Variants in DMD observed in about 807,000 individuals in gnomAD.
The protein encoded by DMD is mutant dystrophin.
DMD carries 63 observed loss-of-function variants against 330.1 expected under a neutral mutation model. That is an observed-to-expected ratio of 0.19 (90% CI 0.16 to 0.24). The LOEUF (loss-of-function observed/expected upper bound fraction) is 0.24. Among genes scored for constraint, DMD ranks in the 10% least tolerant of loss-of-function variants. The pLI is 1.00. For missense variants in DMD, 3,344 were observed against 2,684.1 expected (o/e 1.25, Z -5.43); for synonymous variants, 1,223 against 959.8 (o/e 1.27, Z -5.07).
chrX:32,689,113 G>C (rs1246763534), intron 9 of DMD, among the ~76,000 whole-genome samples: 1 of 110,960 alleles, frequency 9.0e-6, no homozygotes, highest in African/African-American at 3.3e-5. Flanking sequence ...TGGAATAAAT[G>C]ATGTATTTTG....
intron 2 of DMD, among the ~76,000 whole-genome samples, chrX:32,973,566 C>G (rs375162864): frequency 4.6e-4 from 51 of 111,782 alleles, no homozygotes; most frequent in Non-Finnish European, 7.5e-4. Context: ...TAGGAAGAAG[C>G]CAAACAACAT....
intron 1 of DMD, chrX:33,159,492 G>A (rs2048665291): frequency 9.0e-6 from 1 of 111,479 alleles, no homozygotes; most frequent in African/African-American, 3.3e-5. Context: ...GTGTCCATGT[G>A]TTCTCATTGT....
At chrX:32,815,520 T>TATATATACACACACAC in intron 6 of DMD, among the ~76,000 whole-genome samples, 1 of 78,916 alleles carries the variant, frequency 1.3e-5, no homozygotes, top group African/African-American at 5.3e-5. Flanking sequence ...TATATATATA[T>TATATATACACACACAC]ACACACACAC....
chrX:31,913,342 G>C (rs1346355580), intron 47 of DMD, among the ~76,000 whole-genome samples: 1 of 111,867 alleles, frequency 8.9e-6, no homozygotes, highest in Admixed American at 9.5e-5. Flanking sequence ...GCTTCTCAAA[G>C]TGAAGCAGAA....
At chrX:31,665,592 G>A (rs2081379416) in intron 53 of DMD, among the ~76,000 whole-genome samples, 1 of 111,458 alleles carries the variant, frequency 9.0e-6, no homozygotes, top group African/African-American at 3.3e-5. Context: ...TCTATACAGG[G>A]CATACTATTT....
At chrX:33,325,880 C>A (rs2054082167) in intron 1 of DMD, among the ~76,000 whole-genome samples, 1 of 111,502 alleles carries the variant, frequency 9.0e-6, no homozygotes, top group Non-Finnish European at 1.9e-5. Context: ...TCAATTTACT[C>A]TTCTATTATT....
intron 7 of DMD, among the ~76,000 whole-genome samples, chrX:32,759,591 T>C (rs1366174801): frequency 9.0e-6 from 1 of 111,625 alleles, no homozygotes; most frequent in African/African-American, 3.3e-5. Flanking sequence ...GCAATAAGGC[T>C]ATCATATCCA....
intron 2 of DMD, among the ~76,000 whole-genome samples, chrX:32,960,533 G>A (rs758052538): frequency 2.7e-5 from 3 of 111,678 alleles, no homozygotes; most frequent in Non-Finnish European, 3.8e-5. Flanking sequence ...TTTAGCAAAC[G>A]TAGAGGTTTC....
intron 1 of DMD, among the ~76,000 whole-genome samples, chrX:33,193,653 G>C (rs149234783): frequency 1.8e-5 from 2 of 112,084 alleles, no homozygotes; most frequent in Non-Finnish European, 3.8e-5. Context: ...ATTGAAACGC[G>C]CATGCAAAAC....
In DMD at chrX:31,686,950, A is replaced by G. The variant is rs772274407; in HGVS notation, c.7661-7364T>C. Among the ~76,000 whole-genome samples, 7 of 111,596 alleles carry G rather than the reference A, an allele frequency of 6.3e-5. No individual in the cohort carries two copies. The South Asian group carries it at 2.3e-3, about 37-fold the overall frequency. ...GAGAAGAGAGCGAAAAGTAAAGAAG[A>G]CTTTGTCTTGCATCTTGGATACCAG... On this transcript the variant is annotated intron_variant, in intron 52 of 78. Coordinates refer to ENST00000357033, the MANE Select transcript of DMD (RefSeq NM_004006.3).
At chrX:31,666,152 A>G (rs760714529) in intron 53 of DMD, among the ~76,000 whole-genome samples, 1 of 111,617 alleles carries the variant, frequency 9.0e-6, no homozygotes, top group Non-Finnish European at 1.9e-5. Flanking sequence ...GCGTTTTTTC[A>G]GCTCCTTTTC....
intron 7 of DMD, among the ~76,000 whole-genome samples, chrX:32,749,103 TC>T (rs1332858175): frequency 9.0e-6 from 1 of 111,545 alleles, no homozygotes; most frequent in Non-Finnish European, 1.9e-5. Context: ...TGGCACGATT[TC>T]CCCCCTACCA....
chrX:31,925,864 T>A (rs1603613297), intron 47 of DMD, among the ~76,000 whole-genome samples: 1 of 94,739 alleles, frequency 1.1e-5, no homozygotes. Context: ...AGAGCAAAAC[T>A]CTGTCTCAAA....
At chrX:32,383,963 A>G (rs764503843) in intron 33 of DMD, among the ~76,000 whole-genome samples, 5 of 110,200 alleles carry the variant, frequency 4.5e-5, no homozygotes, top group Admixed American at 2.9e-4. Flanking sequence ...TTTAAAAAGT[A>G]AACTGAGAAA....
chrX:31,207,549 T>C (rs918858218), intron 65 of DMD, among the ~76,000 whole-genome samples: 2 of 112,143 alleles, frequency 1.8e-5, no homozygotes, highest in African/African-American at 6.5e-5. Context: ...CATGCAGCTA[T>C]AAAAAAGAAT....
At chrX:32,854,912 CTGATA>C (rs2081419372) in intron 2 of DMD, among the ~76,000 whole-genome samples, 1 of 111,639 alleles carries the variant, frequency 9.0e-6, no homozygotes, top group Admixed American at 9.5e-5. Flanking sequence ...CTGACAAATA[CTGATA>C]CAAAAATCCT....
intron 1 of DMD, among the ~76,000 whole-genome samples, chrX:33,263,211 T>A (rs1045836141): frequency 1.8e-5 from 2 of 110,408 alleles, no homozygotes; most frequent in African/African-American, 3.3e-5. Flanking sequence ...CAATTTAAAT[T>A]AGAAAATGAA....
intron 27 of DMD, among the ~76,000 whole-genome samples, chrX:32,441,771 T>C (rs986939841): frequency 2.4e-4 from 27 of 111,544 alleles, no homozygotes; most frequent in African/African-American, 8.4e-4. Context: ...CATACCATTT[T>C]CTGTATTACT....
chrX:31,200,457 ACTATTCTGT>A (rs1355909711), intron 67 of DMD, among the ~76,000 whole-genome samples: 2 of 112,237 alleles, frequency 1.8e-5, no homozygotes, highest in Non-Finnish European at 3.8e-5. Context: ...CCAAAGCCTG[ACTATTCTGT>A]TCCCCTCAAA....
Sources: gnomAD v4.1 joint callset for allele counts (sites outside exome capture counted in the v4.1 genomes callset) on GRCh38, gnomAD v4.1.1 for gene constraint, MANE v1.5 for transcripts, NCBI Gene and HGNC (gene_info 2026-07-23, HGNC 2026-07-21) for gene names.